ARHGAP26: variants seen among roughly 807,000 people sequenced by gnomAD.
ARHGAP26 encodes the protein Rho GTPase activating protein 26.
A neutral mutation model predicts 104.8 loss-of-function variants in ARHGAP26; 38 were observed. That is an observed-to-expected ratio of 0.36 (90% CI 0.28 to 0.48). The LOEUF (loss-of-function observed/expected upper bound fraction) is 0.48. Among genes scored for constraint, ARHGAP26 ranks in the 20% least tolerant of loss-of-function variants. ARHGAP26 has a pLI of 0.99. For synonymous variants in ARHGAP26, 341 were observed against 340.0 expected (o/e 1.00, Z -0.03); for missense variants, 704 against 947.9 (o/e 0.74, Z 3.38).
At chr5:143,003,509 T>C (rs1244870170) in intron 11 of ARHGAP26, among the ~76,000 whole-genome samples, 2 of 152,198 alleles carry the variant, frequency 1.3e-5, no homozygotes, top group East Asian at 1.9e-4. Flanking sequence ...CATAGATCAC[T>C]TCCCCTAAAC....
chr5:142,925,690 C>T (rs1233141408), intron 10 of ARHGAP26, among the ~76,000 whole-genome samples: 1 of 152,152 alleles, frequency 6.6e-6, no homozygotes, highest in African/African-American at 2.4e-5. Flanking sequence ...TTATCATTCC[C>T]CTTTGTCTCC....
intron 4 of ARHGAP26, among the ~76,000 whole-genome samples, chr5:142,883,821 A>G (rs1001902447): frequency 6.6e-6 from 1 of 152,208 alleles, no homozygotes; most frequent in African/African-American, 2.4e-5. Flanking sequence ...GCAGCAGTCT[A>G]TAATTATGCT....
chr5:142,946,377 A>G (rs1247050877), intron 11 of ARHGAP26, among the ~76,000 whole-genome samples: 3 of 152,202 alleles, frequency 2.0e-5, no homozygotes, highest in African/African-American at 4.8e-5. Flanking sequence ...CACCAGTTAC[A>G]TTGACCCTCT....
At chr5:143,079,031 T>C (rs183806967) in intron 17 of ARHGAP26, among the ~76,000 whole-genome samples, 16 of 152,360 alleles carry the variant, frequency 1.1e-4, no homozygotes, top group Non-Finnish European at 2.1e-4. Context: ...GTGGGAAAAG[T>C]GCTAGGATTA....
At chr5:142,967,419 G>C (rs1220676156) in intron 11 of ARHGAP26, among the ~76,000 whole-genome samples, 1 of 152,174 alleles carries the variant, frequency 6.6e-6, no homozygotes, top group Non-Finnish European at 1.5e-5. Context: ...ACAATGCTTG[G>C]CTTGTTATTG....
chr5:143,133,884 A>T (rs1317197248), intron 18 of ARHGAP26, 83 bp from the exon 19 acceptor site: 1 of 1,369,652 alleles, frequency 7.3e-7, no homozygotes, highest in Non-Finnish European at 9.7e-7. Context: ...AGACACTGCC[A>T]AGCTTTCCGT....
intron 17 of ARHGAP26, among the ~76,000 whole-genome samples, chr5:143,117,475 G>T (rs1795619300): frequency 1.3e-5 from 2 of 152,132 alleles, no homozygotes; most frequent in Non-Finnish European, 2.9e-5. Flanking sequence ...ATCAAGTGAT[G>T]GATCAATTTA....
chr5:142,879,183 T>C (rs915155499), intron 3 of ARHGAP26, among the ~76,000 whole-genome samples, 191 bp from the exon 4 acceptor site: 1 of 152,220 alleles, frequency 6.6e-6, no homozygotes, highest in African/African-American at 2.4e-5. Context: ...AAGATTATCA[T>C]GTTTTGAAAT....
chr5:143,023,651 G>A (rs1484439662), intron 12 of ARHGAP26, among the ~76,000 whole-genome samples: 1 of 152,214 alleles, frequency 6.6e-6, no homozygotes. Context: ...AGGCTGCCAG[G>A]CCTCTGCTGG....
intron 20 of ARHGAP26, among the ~76,000 whole-genome samples, chr5:143,181,449 C>G (rs1804353543): frequency 6.6e-6 from 1 of 152,214 alleles, no homozygotes; most frequent in Non-Finnish European, 1.5e-5. Flanking sequence ...TTACACCTTC[C>G]TCCTCCATGC....
chr5:142,885,467 G>A, intron 5 of ARHGAP26, 68 bp downstream of exon 5: 4 of 1,400,120 alleles, frequency 2.9e-6, no homozygotes, highest in Non-Finnish European at 3.0e-6. Flanking sequence ...ATATGTGCTG[G>A]TTGCTCTTTG....
chr5:143,122,236 G>A (rs966471405), intron 18 of ARHGAP26, among the ~76,000 whole-genome samples: 3 of 152,076 alleles, frequency 2.0e-5, no homozygotes, highest in Non-Finnish European at 2.9e-5. Flanking sequence ...GTTACTACCT[G>A]ATCTCGTCTC....
At position 143,108,473 on chromosome 5, in the gene ARHGAP26, A is replaced by G. The variant is rs1599047827; in HGVS notation, c.1539-12515A>G. Reference sequence around the variant, plus strand: ...CTGTCTTCTAATCAAATATCCAAACATAATCTAAAAGTACCGTGACAGGAC... The same window carrying G: ...CTGTCTTCTAATCAAATATCCAAACGTAATCTAAAAGTACCGTGACAGGAC... On this transcript the variant is annotated intron_variant, in intron 17 of 22. Coordinates refer to ENST00000645722, the MANE Select transcript of ARHGAP26 (RefSeq NM_001135608.3). Among the ~76,000 whole-genome samples, 3 of 152,284 alleles carry G rather than the reference A, an allele frequency of 2.0e-5. No homozygotes were observed. In the South Asian group the frequency reaches 6.2e-4, roughly 32 times the overall value.
At chr5:143,184,611 A>G (rs1804873104) in intron 20 of ARHGAP26, among the ~76,000 whole-genome samples, 1 of 152,200 alleles carries the variant, frequency 6.6e-6, no homozygotes, top group South Asian at 2.1e-4. Flanking sequence ...CTAAGGGAGA[A>G]CAAATCTACC....
At position 142,941,915 on chromosome 5, in the gene ARHGAP26, C is replaced by T. The variant is rs190663324; in HGVS notation, c.1107+9790C>T. On this transcript the variant is annotated intron_variant, in intron 11 of 22. Coordinates refer to ENST00000645722, the MANE Select transcript of ARHGAP26 (RefSeq NM_001135608.3). ...ACTCAGGTCTTAGACATTCTTCTTT[C>T]AACATTGAGCAAATATATTTAGATT... 5.3e-5 allele frequency among the ~76,000 whole-genome samples: 8 copies of T among 152,208 alleles called. No individual in the cohort carries two copies. In the East Asian group the frequency reaches 1.2e-3, roughly 22 times the overall value.
chr5:143,135,998 TG>T (rs778507597), intron 19 of ARHGAP26, among the ~76,000 whole-genome samples: 3 of 152,230 alleles, frequency 2.0e-5, no homozygotes, highest in Non-Finnish European at 4.4e-5. Flanking sequence ...TATGGGGTAA[TG>T]TGCTTCTCAG....
intron 14 of ARHGAP26, among the ~76,000 whole-genome samples, chr5:143,047,658 A>G (rs1303261329): frequency 1.3e-5 from 2 of 152,106 alleles, no homozygotes; most frequent in Non-Finnish European, 2.9e-5. Flanking sequence ...ACATTTTTAA[A>G]TGTATCTTTT....
intron 11 of ARHGAP26, among the ~76,000 whole-genome samples, chr5:143,009,327 C>T (rs1170305504): frequency 1.3e-5 from 2 of 152,210 alleles, no homozygotes; most frequent in Non-Finnish European, 2.9e-5. Context: ...TTGTCATCAT[C>T]GTCATCACAA....
intron 1 of ARHGAP26, among the ~76,000 whole-genome samples, chr5:142,815,570 A>G (rs1764945302): frequency 6.6e-6 from 1 of 152,234 alleles, no homozygotes; most frequent in Non-Finnish European, 1.5e-5. Flanking sequence ...TATTCACTGC[A>G]CACATTTATT....
Sources: allele counts gnomAD v4.1 joint callset (sites outside exome capture counted in the v4.1 genomes callset), GRCh38; gene constraint gnomAD v4.1.1; transcripts MANE v1.5; gene names NCBI Gene and HGNC (gene_info 2026-07-23, HGNC 2026-07-21).